TRMT1L: variants seen among roughly 807,000 people sequenced by gnomAD.
TRMT1L encodes the protein tRNA methyltransferase 1L.
Under a neutral mutation model 81.6 loss-of-function variants are expected in TRMT1L, and 28 were observed. That is an observed-to-expected ratio of 0.34 (90% CI 0.25 to 0.47). The LOEUF (loss-of-function observed/expected upper bound fraction) is 0.47, where lower values mean the gene tolerates loss of function less well. Among genes scored for constraint, TRMT1L ranks in the 20% least tolerant of loss-of-function variants. The probability of loss-of-function intolerance (pLI) is 1.00; values close to 1 mark genes in which losing one functional copy is unlikely to be tolerated. For synonymous variants in TRMT1L, 301 were observed against 303.2 expected, an observed-to-expected ratio of 0.99 and a Z score of 0.07; for missense variants, 739 against 877.1, an observed-to-expected ratio of 0.84 and a Z score of 1.99.
intron 3 of TRMT1L, among the ~76,000 whole-genome samples, chr1:185,149,358 A>G (rs905381690): frequency 8.7e-5 from 13 of 149,906 alleles, no homozygotes; most frequent in Non-Finnish European, 1.8e-4. Context: ...AGGCTGGAAT[A>G]CAGTGGCACA....
chr1:185,133,333 G>A (rs1652819318), intron 10 of TRMT1L, among the ~76,000 whole-genome samples: 1 of 152,008 alleles, frequency 6.6e-6, no homozygotes, highest in Non-Finnish European at 1.5e-5. Context: ...AAAGTGCTGG[G>A]ATTACTGGTA....
At chr1:185,140,478 T>C (rs991331184) in intron 7 of TRMT1L, among the ~76,000 whole-genome samples, 1 of 152,188 alleles carries the variant, frequency 6.6e-6, no homozygotes, top group East Asian at 1.9e-4. Context: ...ATGCTTTTTA[T>C]TTTGTTGAAT....
chr1:185,122,873 C>T (rs761717653), intron 13 of TRMT1L, among the ~76,000 whole-genome samples: 23 of 151,818 alleles, frequency 1.5e-4, no homozygotes, highest in African/African-American at 2.9e-4. Context: ...TTCGTAGAGA[C>T]GGGGTTTCAC....
At chr1:185,136,003 G>T (rs948805556) in intron 10 of TRMT1L, among the ~76,000 whole-genome samples, 1 of 152,138 alleles carries the variant, frequency 6.6e-6, no homozygotes, top group Admixed American at 6.5e-5. Flanking sequence ...TGCTGAAAAT[G>T]CATTATGACA....
At position 185,118,357 on chromosome 1, in the gene TRMT1L, T is replaced by G. The variant is rs1652413334; in HGVS notation, c.*1662A>C. The G allele has an allele frequency of 6.6e-6, 1 of 152,196 alleles. No individual in the cohort carries two copies. The highest frequency in any genetic ancestry group is 2.4e-5 in the African/African-American group (1 of 41,448). 9.4% of individuals were successfully genotyped at this position (152,196 alleles called of 1,614,324 possible). The stretch of plus-strand genomic sequence containing the variant: ...TATACACATATATTTTAGGTAACAG[T>G]AATTTACAGGTTTCTTTATTAAATT... On this transcript the variant is annotated 3_prime_UTR_variant, in exon 15 of 15. Coordinates refer to ENST00000367506, the MANE Select transcript of TRMT1L (RefSeq NM_030934.5).
intron 5 of TRMT1L, among the ~76,000 whole-genome samples, chr1:185,144,776 A>T (rs1036806310): frequency 2.0e-5 from 3 of 151,750 alleles, no homozygotes; most frequent in Non-Finnish European, 2.9e-5. Context: ...AATAATAGTA[A>T]CTTTCCCTAG....
intron 10 of TRMT1L, among the ~76,000 whole-genome samples, chr1:185,130,740 T>C (rs1652749072): frequency 6.6e-6 from 1 of 152,190 alleles, no homozygotes; most frequent in Admixed American, 6.6e-5. Context: ...GGCTAAACTA[T>C]TGAGGATATG....
chr1:185,146,697 C>G (rs1288220361), intron 4 of TRMT1L, among the ~76,000 whole-genome samples: 1 of 151,976 alleles, frequency 6.6e-6, no homozygotes, highest in Non-Finnish European at 1.5e-5. Flanking sequence ...TAGGTCAAAT[C>G]TACCCTAAAA....
At position 185,139,457 on chromosome 1, in the gene TRMT1L, T is replaced by C; in HGVS notation, c.1232A>G (p.His411Arg). ...ACATCCGTAGTGACGCCGGGCAACA[T>C]GCTGTGCCTTGGCATATAAAGAACT... ...DISSLYAKAQ[H>R]VARRHYGCNI... is the part of the protein sequence containing the mutation. The change falls in exon 9 of 15, where the codon CAT (histidine) becomes CGT (arginine). Residue 411 changes from histidine to arginine, a missense_variant. His to Arg is a conservative substitution (Grantham distance 29). Transcript: ENST00000367506. 6.2e-7 allele frequency: 1 copy of C among 1,614,190 alleles called. No homozygotes were observed. The highest frequency in any genetic ancestry group is 8.5e-7 in the Non-Finnish European group (1 of 1,180,018).
At chr1:185,134,473 C>T (rs1571347476) in intron 10 of TRMT1L, among the ~76,000 whole-genome samples, 1 of 152,248 alleles carries the variant, frequency 6.6e-6, no homozygotes, top group Admixed American at 6.5e-5. Flanking sequence ...AGGCGTGAGC[C>T]ACCGTGCCCA....
At chr1:185,139,844 GC>G in intron 8 of TRMT1L, 128 bp downstream of exon 8, 1 of 1,101,652 alleles carries the variant, frequency 9.1e-7, no homozygotes, top group South Asian at 1.7e-5. Flanking sequence ...CATACCTTAG[GC>G]CAATGTCAAA....
Position 185,139,538 on chromosome 1 carries a change from G to A in TRMT1L, c.1151C>T (p.Ser384Phe). 6.2e-7 allele frequency: 1 copy of A among 1,613,584 alleles called. No homozygotes were observed. Among genetic ancestry groups the A allele is most frequent in the Non-Finnish European group, 8.5e-7 (1 of 1,179,900 alleles). Residue 384 changes from serine (S) to phenylalanine (F), a missense_variant, in exon 9 of 15, where the codon TCT becomes TTT. Ser to Phe is a radical substitution (Grantham distance 155). Transcript: ENST00000367506. ...AAGGTTTCTTATATTTCTGAATGCA[G>A]AATCTAGATAATTCACTGATGTTCC... ...PFGTSVNYLD[S>F]AFRNIRNLGI...
At chr1:185,134,349 G>A (rs1225035884) in intron 10 of TRMT1L, among the ~76,000 whole-genome samples, 6 of 152,004 alleles carry the variant, frequency 3.9e-5, no homozygotes, top group African/African-American at 1.2e-4. Context: ...CCGCCATCAC[G>A]CCCAGCTAAT....
intron 13 of TRMT1L, among the ~76,000 whole-genome samples, chr1:185,123,215 C>T (rs1028594638): frequency 1.3e-5 from 2 of 152,136 alleles, no homozygotes; most frequent in African/African-American, 2.4e-5. Flanking sequence ...TAAAAAATTA[C>T]AGCTGATAAC....
At chr1:185,135,861 A>G (rs962472360) in intron 10 of TRMT1L, among the ~76,000 whole-genome samples, 2 of 152,098 alleles carry the variant, frequency 1.3e-5, no homozygotes, top group Non-Finnish European at 2.9e-5. Flanking sequence ...ATAAAATACA[A>G]CAACATATTA....
At chr1:185,139,909 T>C (rs1652992107) in intron 8 of TRMT1L, 64 bp downstream of exon 8, 1 of 1,515,136 alleles carries the variant, frequency 6.6e-7, no homozygotes, top group Admixed American at 2.2e-5. Flanking sequence ...AATTTTTAAC[T>C]ACTCCTCGTC....
Position 185,139,980 on chromosome 1 carries a change from C to A in TRMT1L, c.1102G>T (p.Asp368Tyr). The A allele has an allele frequency of 6.2e-7, 1 of 1,607,074 alleles. No individual in the cohort carries two copies. Among genetic ancestry groups the A allele is most frequent in the South Asian group, 1.1e-5 (1 of 89,734 alleles). The stretch of plus-strand genomic sequence containing the variant: ...CAAGTCTTTTCTACTTACATGAAAT[C>A]AAAAGATCTCAAATGCATCAGTACA... ...ANVLMHLRSFDFIHLDPFGTS... is the reference protein window; with the variant it reads ...ANVLMHLRSFYFIHLDPFGTS... Residue 368 changes from aspartate to tyrosine, a missense_variant, in exon 8 of 15, where the codon GAT becomes TAT. Around this residue, in one of 4 missense-constraint regions of TRMT1L, gnomAD observed 331 missense variants for 462.2 expected, o/e 0.72. Coordinates refer to ENST00000367506, the MANE Select transcript of TRMT1L (RefSeq NM_030934.5).
At position 185,139,704 on chromosome 1, in the gene TRMT1L, A is replaced by G. The variant is rs896457368; in HGVS notation, c.1110-125T>C. ...TACATTGCAAATATATTTTAAGTAC[A>G]TAATTCTGTTTTGAAATTAAGTAAT... is the stretch of plus-strand genomic sequence containing the variant. On this transcript the variant is annotated intron_variant, in intron 8 of 14. Coordinates refer to ENST00000367506, the MANE Select transcript of TRMT1L (RefSeq NM_030934.5). 1.7e-5 allele frequency: 13 copies of G among 775,696 alleles called. No individual in the cohort carries two copies. The African/African-American group carries it at 2.3e-4, about 14-fold the overall frequency. The allele number at this position is 775,696 out of a possible 1,614,324, so 48.1% of individuals were successfully genotyped here.
At position 185,145,575 on chromosome 1, in the gene TRMT1L, A is replaced by C. The variant is rs1431415104; in HGVS notation, c.526-7T>G. On this transcript the variant is annotated splice_polypyrimidine_tract_variant and splice_region_variant and intron_variant, in intron 4 of 14. Transcript: ENST00000367506. ...CTCCCATTTTACTGGTTATCTATCAAACAGAGTATTTAATTTAAATAAGTT... is the reference window on the plus strand; with the variant it reads ...CTCCCATTTTACTGGTTATCTATCACACAGAGTATTTAATTTAAATAAGTT... 5 of 1,609,310 alleles carry C rather than the reference A, an allele frequency of 3.1e-6. No individual in the cohort carries two copies. The highest frequency in any genetic ancestry group is 4.2e-6 in the Non-Finnish European group (5 of 1,177,082).
Sources: gnomAD v4.1 joint callset for allele counts (sites outside exome capture counted in the v4.1 genomes callset) on GRCh38, gnomAD v4.1.1 for gene constraint, gnomAD v4.1.1 regional missense constraint, MANE v1.5 for transcripts, NCBI Gene and HGNC (gene_info 2026-07-23, HGNC 2026-07-21) for gene names.